The following RTTN variants were observed in gnomAD, a reference collection of about 807,000 sequenced individuals.
RTTN encodes rotatin.
A neutral mutation model predicts 269.2 loss-of-function variants in RTTN; 182 were observed. The observed-to-expected ratio is 0.68, with a 90% confidence interval of 0.60 to 0.76. The LOEUF (loss-of-function observed/expected upper bound fraction) is 0.76. Among genes scored for constraint, RTTN ranks in the 30% least tolerant of loss-of-function variants. RTTN has a pLI of 0.00. For missense variants in RTTN, 2,545 were observed against 2,608.6 expected, an observed-to-expected ratio of 0.98 and a Z score of 0.53; for synonymous variants, 1,006 against 963.5, an observed-to-expected ratio of 1.04 and a Z score of -0.82.
intron 15 of RTTN, 59 bp downstream of exon 15, chr18:70,150,549 C>T: frequency 6.6e-7 from 1 of 1,522,078 alleles, no homozygotes; most frequent in Non-Finnish European, 9.1e-7. Context: ...AGAATATCAC[C>T]TTGATTTAGC....
At chr18:70,115,329 G>C (rs969852954) in intron 26 of RTTN, among the ~76,000 whole-genome samples, 5 of 151,788 alleles carry the variant, frequency 3.3e-5, no homozygotes, top group Admixed American at 6.6e-5. Flanking sequence ...TTGCCACCTT[G>C]ATAGGCTAGT....
intron 40 of RTTN, among the ~76,000 whole-genome samples, chr18:70,040,984 C>T (rs545066941): frequency 1.6e-4 from 24 of 152,096 alleles, no homozygotes; most frequent in Non-Finnish European, 2.5e-4. Context: ...CTTCGGGAGG[C>T]CAAGGTGGAC....
At chr18:70,188,257 G>A (rs1236779042) in intron 9 of RTTN, 34 bp from the exon 10 acceptor site, 7 of 1,166,774 alleles carry the variant, frequency 6.0e-6, no homozygotes, top group Non-Finnish European at 8.9e-6. Context: ...TAAAGGAGAA[G>A]AAGTTACTTA....
chr18:70,037,870 G>C (rs1303621201), intron 40 of RTTN, among the ~76,000 whole-genome samples: 1 of 152,192 alleles, frequency 6.6e-6, no homozygotes, highest in East Asian at 1.9e-4. Context: ...CTGGGCCAGA[G>C]GGGAACTGAT....
chr18:70,114,810 A>G (rs1478853959), intron 26 of RTTN, among the ~76,000 whole-genome samples: 1 of 152,064 alleles, frequency 6.6e-6, no homozygotes, highest in Non-Finnish European at 1.5e-5. Context: ...TATAAAATAG[A>G]AAAAAAGGAC....
intron 44 of RTTN, among the ~76,000 whole-genome samples, chr18:70,022,622 TA>T (rs1424960620): frequency 6.6e-6 from 1 of 152,172 alleles, no homozygotes; most frequent in Non-Finnish European, 1.5e-5. Flanking sequence ...CAGCTCACAC[TA>T]AGTAGGTTTC....
chr18:70,158,610 C>T (rs1272795661), intron 14 of RTTN, among the ~76,000 whole-genome samples: 5 of 152,120 alleles, frequency 3.3e-5, no homozygotes, highest in Non-Finnish European at 5.9e-5. Context: ...TGACCTTGAA[C>T]ATAAACGGGC....
At chr18:70,110,967 G>C (rs1000259379) in intron 27 of RTTN, among the ~76,000 whole-genome samples, 1 of 152,240 alleles carries the variant, frequency 6.6e-6, no homozygotes, top group African/African-American at 2.4e-5. Context: ...ACTGGGCAGA[G>C]CCCACTGCAG....
chr18:70,061,212 C>A (rs545777704), intron 35 of RTTN: 4 of 370,378 alleles, frequency 1.1e-5, no homozygotes, highest in Admixed American at 3.3e-5. Context: ...TGTATGAGAG[C>A]TCCCTTTTCT....
chr18:70,179,970 T>A (rs1468886012), intron 10 of RTTN, among the ~76,000 whole-genome samples: 2 of 152,084 alleles, frequency 1.3e-5, no homozygotes, highest in East Asian at 3.9e-4. Context: ...CCCTCATTTA[T>A]CCCACCAGTC....
chr18:70,127,775 T>C (rs1400650426), intron 24 of RTTN, 34 bp from the exon 25 acceptor site: 4 of 1,501,234 alleles, frequency 2.7e-6, no homozygotes, highest in Non-Finnish European at 3.7e-6. Context: ...AGGAGGAACA[T>C]AAAGCTATTT....
chr18:70,166,994 T>C lies in RTTN; in HGVS notation c.1727A>G (p.Asp576Gly). The C allele has an allele frequency of 1.2e-6, 2 of 1,613,702 alleles. No individual in the cohort carries two copies. The highest frequency in any genetic ancestry group is 1.7e-6 in the Non-Finnish European group (2 of 1,179,714). ...ATAGGAAAAGCTACGCAAGGCTTGG[T>C]CTGCCAGCTCCACTAATTCTAAGAG... Reference protein sequence around the residue: ...KNLLELVELADQALRSFSYHQ... With the variant: ...KNLLELVELAGQALRSFSYHQ... Residue 576 changes from aspartate (D) to glycine (G), a missense_variant, in exon 13 of 49, where the codon GAC (aspartate) becomes GGC (glycine). Coordinates refer to ENST00000640769, the MANE Select transcript of RTTN (RefSeq NM_173630.4).
rs17805883 is a variant in RTTN at position 70,057,604 on chromosome 18, G to C, written c.5031+138C>G. 87,943 of 607,088 alleles carry C rather than the reference G, an allele frequency of 0.14. 7,271 individuals carry two copies. Among genetic ancestry groups the C allele is most frequent in the Middle Eastern group, 0.4 (1,542 of 3,812 alleles). The allele number at this position is 607,088 out of a possible 1,614,324, so 37.6% of individuals were successfully genotyped here. On this transcript the variant is annotated intron_variant, in intron 37 of 48. Coordinates refer to ENST00000640769, the MANE Select transcript of RTTN (RefSeq NM_173630.4). ...GTCCCATATTAAAATTTCAAGTAAC[G>C]TATTTCGAATAATCTCATCATACCA...
intron 26 of RTTN, among the ~76,000 whole-genome samples, chr18:70,115,636 TAA>T (rs1225353894): frequency 6.6e-6 from 1 of 151,988 alleles, no homozygotes; most frequent in Non-Finnish European, 1.5e-5. Context: ...AATAATTGTC[TAA>T]GTCTTAGACA....
chr18:70,153,487 G>C (rs1168807629), intron 14 of RTTN, among the ~76,000 whole-genome samples: 22 of 152,038 alleles, frequency 1.4e-4, no homozygotes, highest in Admixed American at 1.4e-3. Context: ...GTTAGATGTA[G>C]GTAACATGGA....
intron 35 of RTTN, among the ~76,000 whole-genome samples, chr18:70,060,391 G>T (rs17231878): frequency 0.015 from 2,290 of 152,224 alleles, 25 homozygotes; most frequent in East Asian, 0.027. Flanking sequence ...AACTCGAGGG[G>T]CCAAAGGTGT....
At chr18:70,041,231 A>T (rs1403352017) in intron 40 of RTTN, among the ~76,000 whole-genome samples, 1 of 151,716 alleles carries the variant, frequency 6.6e-6, no homozygotes, top group Non-Finnish European at 1.5e-5. Flanking sequence ...AATAAATAAA[A>T]ATAAAAAATA....
chr18:70,184,716 T>TTTTG (rs59000945), intron 10 of RTTN, among the ~76,000 whole-genome samples: 16 of 33,466 alleles, frequency 4.8e-4, no homozygotes, highest in Non-Finnish European at 6.5e-4. Context: ...TTTTTTTTTT[T>TTTTG]TGTGTGTGTG....
chr18:70,185,041 G>A (rs1412933029), intron 10 of RTTN, among the ~76,000 whole-genome samples: 1 of 151,816 alleles, frequency 6.6e-6, no homozygotes, highest in African/African-American at 2.4e-5. Context: ...AGAGAAAACC[G>A]ATCAAATAGA....
Sources: gnomAD v4.1 joint callset for allele counts (sites outside exome capture counted in the v4.1 genomes callset) on GRCh38, gnomAD v4.1.1 for gene constraint, MANE v1.5 for transcripts, NCBI Gene and HGNC (gene_info 2026-07-23, HGNC 2026-07-21) for gene names.